PIKFYVE: variants seen among roughly 807,000 people sequenced by gnomAD.
PIKFYVE encodes the protein 1-phosphatidylinositol 3-phosphate 5-kinase.
A neutral mutation model predicts 257.9 loss-of-function variants in PIKFYVE; 122 were observed. The ratio of observed to expected loss-of-function variants is 0.47; its 90% CI spans 0.41 to 0.55. The LOEUF (loss-of-function observed/expected upper bound fraction) is 0.55, where lower values mean the gene tolerates loss of function less well. Ranked by LOEUF, PIKFYVE falls within the 20% of genes least tolerant of loss-of-function variation. The pLI is 0.00. For synonymous variants in PIKFYVE, 892 were observed against 868.9 expected, an observed-to-expected ratio of 1.03 and a Z score of -0.47; for missense variants, 2,160 against 2,536.6, an observed-to-expected ratio of 0.85 and a Z score of 3.19.
chr2:208,339,572 T>C lies in PIKFYVE; in HGVS notation c.4810+17T>C, dbSNP rs1698508337. 1.2e-6 allele frequency: 2 copies of C among 1,613,658 alleles called. No individual in the cohort carries two copies. The highest frequency in any genetic ancestry group is 1.7e-6 in the Non-Finnish European group (2 of 1,179,592). On this transcript the variant is annotated intron_variant, in intron 30 of 41. Transcript: ENST00000264380. ...GTTCCGAAGGTAGAGGTTAAGTCAC[T>C]TTTACCATATTTCATTGTATCTAAG...
chr2:208,302,794 T>C (rs1457454707), intron 10 of PIKFYVE, among the ~76,000 whole-genome samples: 2 of 152,148 alleles, frequency 1.3e-5, no homozygotes, highest in Non-Finnish European at 2.9e-5. Flanking sequence ...TAACTAGTGA[T>C]GATGGCTGGG....
intron 16 of PIKFYVE, 121 bp from the exon 17 acceptor site, chr2:208,320,125 TTAATAC>T: frequency 7.6e-7 from 1 of 1,308,114 alleles, no homozygotes; most frequent in South Asian, 1.6e-5. Flanking sequence ...TGAGAATATA[TTAATAC>T]TAATATGAGA....
Position 208,330,642 on chromosome 2 carries a change from C to T in PIKFYVE, c.3911C>T (p.Pro1304Leu), listed in dbSNP as rs1341493621. Residue 1304 changes from proline (P) to leucine (L), a missense_variant, in exon 23 of 42, where the codon CCT (proline) becomes CTT (leucine). By Grantham distance (98) the Pro-to-Leu change is moderately conservative (BLOSUM62 -3). Around this residue, in one of 12 missense-constraint regions of PIKFYVE, gnomAD observed 55 missense variants for 103.0 expected, o/e 0.53. Coordinates refer to ENST00000264380, the MANE Select transcript of PIKFYVE (RefSeq NM_015040.4). ...IILKELDSPV[P>L]GYQHTILTYS... ...CTGAAGGAGTTGGATTCTCCAGTAC[C>T]TGGATATCAGCATACAATTCTTACA... The T allele has an allele frequency of 6.2e-7, 1 of 1,614,148 alleles. No homozygotes were observed.
At position 208,325,034 on chromosome 2, in the gene PIKFYVE, A is replaced by G. The variant is rs1247896923; in HGVS notation, c.2455A>G (p.Asn819Asp). The G allele has an allele frequency of 3.1e-6, 5 of 1,613,996 alleles. No individual in the cohort carries two copies. Among genetic ancestry groups the G allele is most frequent in the Non-Finnish European group, 4.2e-6 (5 of 1,179,986 alleles). ...KFYMQIFQLP[N>D]EQTKTLMFFE... ...TTATATGCAGATATTTCAGTTGCCT[A>G]ATGGTGAGTGATCTTTAGCATAGAT... Residue 819 changes from asparagine to aspartate, a missense_variant, in exon 19 of 42, where the codon AAT becomes GAT. Asn to Asp is a conservative substitution (Grantham distance 23). Transcript: ENST00000264380.
intron 7 of PIKFYVE, among the ~76,000 whole-genome samples, chr2:208,293,827 C>T (rs1190917358): frequency 6.6e-6 from 1 of 151,874 alleles, no homozygotes; most frequent in African/African-American, 2.4e-5. Flanking sequence ...TTAAGGTGGT[C>T]TTTTTCAAGA....
intron 12 of PIKFYVE, among the ~76,000 whole-genome samples, chr2:208,308,556 A>G (rs576191494): frequency 6.6e-6 from 1 of 152,062 alleles, no homozygotes; most frequent in African/African-American, 2.4e-5. Flanking sequence ...TCTGAATGAA[A>G]CTTTTTACCC....
chr2:208,326,061 C>G lies in PIKFYVE; in HGVS notation c.3250C>G (p.Gln1084Glu), dbSNP rs554717426. 1.9e-6 allele frequency: 3 copies of G among 1,614,090 alleles called. No homozygotes were observed. Among genetic ancestry groups the G allele is most frequent in the Admixed American group, 3.3e-5 (2 of 60,014 alleles). ...RCSTRDYFAE[Q>E]VYWSPLLNKE... ...CTCTACCCGAGATTATTTTGCAGAG[C>G]AGGTTTACTGGTCTCCTCTCCTCAA... Residue 1084 changes from glutamine (Q) to glutamate (E), a missense_variant, in exon 20 of 42, where the codon CAG becomes GAG. Transcript: ENST00000264380.
intron 7 of PIKFYVE, 70 bp downstream of exon 7, chr2:208,288,888 C>G (rs1171248693): frequency 6.4e-7 from 1 of 1,568,050 alleles, no homozygotes; most frequent in Non-Finnish European, 8.8e-7. Context: ...GAAGAACAAA[C>G]GGATAAAAAG....
chr2:208,305,141 C>G, intron 12 of PIKFYVE, 128 bp downstream of exon 12: 2 of 1,546,808 alleles, frequency 1.3e-6, no homozygotes, highest in South Asian at 2.4e-5. Context: ...GGGTTTTGTT[C>G]TACCCTTTCT....
At chr2:208,347,155 T>C (rs1332451934) in intron 34 of PIKFYVE, among the ~76,000 whole-genome samples, 1 of 152,206 alleles carries the variant, frequency 6.6e-6, no homozygotes, top group Non-Finnish European at 1.5e-5. Context: ...GAGTGGATAT[T>C]AAAGAGGCAA....
At position 208,324,893 on chromosome 2, in the gene PIKFYVE, T is replaced by G; in HGVS notation, c.2332-18T>G. 6.2e-7 allele frequency: 1 copy of G among 1,612,562 alleles called. No individual in the cohort carries two copies. Among genetic ancestry groups the G allele is most frequent in the Non-Finnish European group, 8.5e-7 (1 of 1,178,602 alleles). ...ATTCTTCTCTAGTTTTGTAATACAA[T>G]GTTTTTCTGTTTTGTAGCAAGTTTT... On this transcript the variant is annotated intron_variant, in intron 18 of 41. Transcript: ENST00000264380.
chr2:208,315,401 C>G, intron 15 of PIKFYVE, 28 bp downstream of exon 15: 1 of 1,610,808 alleles, frequency 6.2e-7, no homozygotes, highest in Non-Finnish European at 8.5e-7. Flanking sequence ...TTTACTAATG[C>G]TAGGAACTGA....
Position 208,315,418 on chromosome 2 carries a change from A to C in PIKFYVE, c.2007+45A>C, listed in dbSNP as rs778619543. 4 of 1,602,472 alleles carry C rather than the reference A, an allele frequency of 2.5e-6. No homozygotes were observed. The South Asian group carries it at 4.4e-5, about 18-fold the overall frequency. On this transcript the variant is annotated intron_variant, in intron 15 of 41. Transcript: ENST00000264380. ...TACTAATGCTAGGAACTGATGAGGC[A>C]GGACTGATTGTAATTTTTGTCTTAA...
chr2:208,319,610 G>A (rs550622710), intron 16 of PIKFYVE, among the ~76,000 whole-genome samples: 1 of 152,272 alleles, frequency 6.6e-6, no homozygotes, highest in Admixed American at 6.5e-5. Flanking sequence ...TTTCGGAACT[G>A]TTTGCCAGTT....
intron 20 of PIKFYVE, 56 bp from the exon 21 acceptor site, chr2:208,328,124 T>C (rs1422690212): frequency 2.5e-6 from 4 of 1,611,060 alleles, no homozygotes; most frequent in Non-Finnish European, 3.4e-6. Context: ...GTTTGGTGCA[T>C]TGGGGTTGAA....
intron 8 of PIKFYVE, among the ~76,000 whole-genome samples, chr2:208,300,588 C>G (rs1032229325): frequency 6.6e-5 from 10 of 152,164 alleles, no homozygotes; most frequent in African/African-American, 2.4e-4. Flanking sequence ...GTGAAAGCCT[C>G]TAGGAACAGT....
At chr2:208,340,700 C>T (rs1048663022) in intron 31 of PIKFYVE, among the ~76,000 whole-genome samples, 3 of 152,010 alleles carry the variant, frequency 2.0e-5, no homozygotes, top group African/African-American at 7.3e-5. Context: ...TTAATAAGGC[C>T]TTTTATTTTA....
At chr2:208,266,482 C>G (rs1688640928) in intron 1 of PIKFYVE, 67 bp downstream of exon 1, 1 of 152,522 alleles carries the variant, frequency 6.6e-6, no homozygotes, top group Non-Finnish European at 1.5e-5. Context: ...GTATGGGGAG[C>G]TCCAGGGCCA....
intron 41 of PIKFYVE, 118 bp downstream of exon 41, chr2:208,354,763 A>G (rs2125839578): frequency 1.2e-6 from 1 of 818,930 alleles, no homozygotes; most frequent in Non-Finnish European, 2.0e-6. Context: ...CATTGATTTC[A>G]TTGTCATTTC....
Sources: gnomAD v4.1 joint callset for allele counts (sites outside exome capture counted in the v4.1 genomes callset) on GRCh38, gnomAD v4.1.1 for gene constraint, gnomAD v4.1.1 regional missense constraint, MANE v1.5 for transcripts, NCBI Gene and HGNC (gene_info 2026-07-23, HGNC 2026-07-21) for gene names.